The following TMEM67 variants were observed in gnomAD, a reference collection of about 807,000 sequenced individuals.
TMEM67 encodes the protein meckelin.
Under a neutral mutation model 136.6 loss-of-function variants are expected in TMEM67, and 124 were observed. The ratio of observed to expected loss-of-function variants is 0.91; its 90% CI spans 0.78 to 1.05. TMEM67 has a LOEUF of 1.05. TMEM67 is among the 50% of genes least tolerant of loss of function. TMEM67 has a pLI of 0.00. For missense variants in TMEM67, 1,107 were observed against 1,178.4 expected (o/e 0.94, Z 0.89); for synonymous variants, 364 against 390.5 (o/e 0.93, Z 0.80).
At chr8:93,808,509 TA>T (rs1808547689) in intron 23 of TMEM67, among the ~76,000 whole-genome samples, 15 of 129,036 alleles carry the variant, frequency 1.2e-4, no homozygotes, top group South Asian at 2.4e-4. Context: ...TATAGATGAA[TA>T]TATATATTTA....
chr8:93,790,374 ATCT>A (rs949904824), intron 14 of TMEM67, among the ~76,000 whole-genome samples: 3 of 152,200 alleles, frequency 2.0e-5, no homozygotes, highest in South Asian at 4.2e-4. Flanking sequence ...TCCTAAACTA[ATCT>A]TCTATCTAAA....
chr8:93,758,186 C>T lies in TMEM67; in HGVS notation c.313-297C>T, dbSNP rs755583789. Among the ~76,000 whole-genome samples the T allele has an allele frequency of 1.3e-4, 20 of 152,002 alleles. 1 individual carries two copies. The highest frequency in any genetic ancestry group is 6.2e-4 in the South Asian group (3 of 4,828). On this transcript the variant is annotated intron_variant, in intron 2 of 27. Transcript: ENST00000453321. ...TGTTTTATATTTGTAAATGGAAAAA[C>T]GAAATGACAAATAATTATGAAAGAG...
intron 6 of TMEM67, among the ~76,000 whole-genome samples, chr8:93,772,021 A>G (rs908045874): frequency 6.6e-6 from 1 of 152,152 alleles, no homozygotes; most frequent in East Asian, 1.9e-4. Flanking sequence ...AATGTTTTTT[A>G]GCCAGAGGTT....
intron 7 of TMEM67, among the ~76,000 whole-genome samples, chr8:93,776,534 C>T (rs2130641749): frequency 6.6e-6 from 1 of 152,222 alleles, no homozygotes; most frequent in Admixed American, 6.5e-5. Context: ...CCATCAATAC[C>T]TAGTTTATTG....
chr8:93,799,564 G>A, intron 20 of TMEM67, 54 bp from the exon 21 acceptor site: 1 of 1,586,526 alleles, frequency 6.3e-7, no homozygotes, highest in Non-Finnish European at 8.6e-7. Context: ...TCAGTCTAGA[G>A]TAGTTTTCTT....
chr8:93,767,266 C>T (rs2130595449), intron 6 of TMEM67, among the ~76,000 whole-genome samples: 1 of 152,322 alleles, frequency 6.6e-6, no homozygotes, highest in Admixed American at 6.5e-5. Flanking sequence ...TGCATCACAT[C>T]CAGGGGCACA....
intron 1 of TMEM67, 104 bp from the exon 2 acceptor site, chr8:93,755,674 G>GATC: frequency 2.6e-6 from 2 of 778,606 alleles, no homozygotes; most frequent in East Asian, 5.4e-5. Flanking sequence ...TCACTATACT[G>GATC]CTTCTCAAGA....
rs1244894957 is a variant in TMEM67 at position 93,775,165 on chromosome 8, G to A, written c.714+2514G>A. On this transcript the variant is annotated intron_variant, in intron 7 of 27. Coordinates refer to ENST00000453321, the MANE Select transcript of TMEM67 (RefSeq NM_153704.6). ...CTGCATAAATGTCTTCTGTTGAGAA[G>A]TGTCTGTTCATATCCTTTGCCCACT... 1.3e-5 allele frequency among the ~76,000 whole-genome samples: 2 copies of A among 152,182 alleles called. 1 individual carries two copies. Among genetic ancestry groups the A allele is most frequent in the South Asian group, 4.1e-4 (2 of 4,830 alleles).
At chr8:93,773,672 AG>A (rs1383286064) in intron 7 of TMEM67, among the ~76,000 whole-genome samples, 1 of 152,250 alleles carries the variant, frequency 6.6e-6, no homozygotes, top group African/African-American at 2.4e-5. Context: ...TTTTCCTAAT[AG>A]GGAAAACTGA....
intron 21 of TMEM67, among the ~76,000 whole-genome samples, chr8:93,801,744 T>C (rs905133969): frequency 6.6e-6 from 1 of 152,178 alleles, no homozygotes; most frequent in Non-Finnish European, 1.5e-5. Context: ...CAGGTGGTGG[T>C]ATTCAGTAAT....
intron 14 of TMEM67, among the ~76,000 whole-genome samples, chr8:93,790,196 C>T (rs1814314529): frequency 6.6e-6 from 1 of 152,186 alleles, no homozygotes; most frequent in Non-Finnish European, 1.5e-5. Flanking sequence ...AATTTTACAT[C>T]AGTTGTAAAC....
Position 93,765,456 on chromosome 8 carries a change from G to A in TMEM67, c.557G>A (p.Cys186Tyr), listed in dbSNP as rs1267683034. The A allele has an allele frequency of 6.2e-7, 1 of 1,611,954 alleles. No individual in the cohort carries two copies. The highest frequency in any genetic ancestry group is 2.2e-5 in the East Asian group (1 of 44,858). Residue 186 changes from cysteine to tyrosine, a missense_variant, in exon 5 of 28, where the codon TGT (cysteine) becomes TAT (tyrosine). By Grantham distance (194) the Cys-to-Tyr change is radical. Transcript: ENST00000453321. ...TFVNTSRSCACSEPNILTGGL... is the reference protein window; with the variant it reads ...TFVNTSRSCAYSEPNILTGGL... ...GTTAATACCAGCAGGTCCTGTGCAT[G>A]TTCAGAACCTAACATTTTAGTAAGG... is the stretch of plus-strand genomic sequence containing the variant.
chr8:93,791,461 C>T (rs563949556), intron 15 of TMEM67, 142 bp downstream of exon 15: 1 of 619,064 alleles, frequency 1.6e-6, no homozygotes, highest in South Asian at 2.1e-5. Context: ...AACCTTAGTA[C>T]AATGATCATA....
chr8:93,776,788 A>G (rs1446619820), intron 7 of TMEM67, among the ~76,000 whole-genome samples: 1 of 152,196 alleles, frequency 6.6e-6, no homozygotes, highest in African/African-American at 2.4e-5. Flanking sequence ...ATCGATGTTC[A>G]TCAGGGATAT....
At chr8:93,810,449 A>G (rs1808658606) in intron 26 of TMEM67, among the ~76,000 whole-genome samples, 2 of 152,010 alleles carry the variant, frequency 1.3e-5, no homozygotes. Flanking sequence ...GCATGGTGGC[A>G]GGCACATATA....
intron 20 of TMEM67, among the ~76,000 whole-genome samples, chr8:93,798,938 AAGT>A (rs990830074): frequency 2.2e-4 from 29 of 129,490 alleles, no homozygotes; most frequent in African/African-American, 7.8e-4. Flanking sequence ...TTTTGTACTA[AAGT>A]AGTGTGTGTG....
At chr8:93,794,877 A>T (rs1411765999) in intron 16 of TMEM67, 1 of 161,516 alleles carries the variant, frequency 6.2e-6, no homozygotes, top group African/African-American at 2.4e-5. Context: ...TGGTAAAACA[A>T]TGCCCATTTT....
rs766782158 is a variant in TMEM67, at chr8:93,755,001, C to A, written c.87C>A (p.Phe29Leu). 59 of 1,614,110 alleles carry A rather than the reference C, an allele frequency of 3.7e-5. No individual in the cohort carries two copies. Among genetic ancestry groups the A allele is most frequent in the Non-Finnish European group, 4.7e-5 (56 of 1,180,042 alleles). The change falls in exon 1 of 28, where the codon TTC becomes TTA. Residue 29 changes from phenylalanine to leucine, a missense_variant. Phe to Leu is a conservative substitution (Grantham distance 22, BLOSUM62 0). This residue lies in a region of TMEM67 where 178 missense variants were observed against 159.2 expected (regional missense o/e 1.12). Coordinates refer to ENST00000453321, the MANE Select transcript of TMEM67 (RefSeq NM_153704.6). ...CCGTGACCGCGTTCCTTCTGTTGTTCCTCCCTCGCTTCTTACAGGCCCAGA... is the reference window on the plus strand; with the variant it reads ...CCGTGACCGCGTTCCTTCTGTTGTTACTCCCTCGCTTCTTACAGGCCCAGA... ...ARAVTAFLLLFLPRFLQAQTF... is the reference protein window; with the variant it reads ...ARAVTAFLLLLLPRFLQAQTF...
Position 93,763,959 on chromosome 8 carries a change from G to C in TMEM67, c.506+18G>C. ...GGAGACAGGTAAGCAGTGTGATGGG[G>C]GCTAACTTCATTAATATCATCTTAT... On this transcript the variant is annotated intron_variant, in intron 4 of 27. Transcript: ENST00000453321. 6.9e-7 allele frequency: 1 copy of C among 1,445,574 alleles called. No homozygotes were observed. The highest frequency in any genetic ancestry group is 9.7e-7 in the Non-Finnish European group (1 of 1,026,910). The allele number at this position is 1,445,574 out of a possible 1,614,324, so 89.5% of individuals were successfully genotyped here.
Sources: allele counts gnomAD v4.1 joint callset (sites outside exome capture counted in the v4.1 genomes callset), GRCh38; gene constraint gnomAD v4.1.1; regional missense constraint gnomAD v4.1.1; transcripts MANE v1.5; gene names NCBI Gene and HGNC (gene_info 2026-07-23, HGNC 2026-07-21).